IGSF21: variants seen among roughly 807,000 people sequenced by gnomAD.
IGSF21 encodes the protein immunoglobulin superfamily member 21.
In IGSF21, 28 loss-of-function variants were observed where a neutral mutation model predicts 46.8. That is an observed-to-expected ratio of 0.60 (90% CI 0.44 to 0.82). The LOEUF (loss-of-function observed/expected upper bound fraction) is 0.82, where lower values mean the gene tolerates loss of function less well. Ranked by LOEUF, IGSF21 falls within the 40% of genes least tolerant of loss-of-function variation. The pLI is 0.00. For synonymous variants in IGSF21, 284 were observed against 273.6 expected (o/e 1.04, Z -0.38); for missense variants, 624 against 665.5 (o/e 0.94, Z 0.69).
intron 2 of IGSF21, chr1:18,278,807 C>T (rs765168860): frequency 1.3e-5 from 6 of 470,456 alleles, no homozygotes; most frequent in South Asian, 4.7e-5. Context: ...CTGCCTGCCT[C>T]GGCCTCCAAA....
chr1:18,122,701 A>T (rs1225790059), intron 1 of IGSF21, among the ~76,000 whole-genome samples: 7 of 147,500 alleles, frequency 4.7e-5, no homozygotes, highest in African/African-American at 1.5e-4. Context: ...GCTCACTACA[A>T]CCTCTGCCTC....
chr1:18,301,234 C>A (rs555533773), intron 3 of IGSF21, among the ~76,000 whole-genome samples: 1 of 152,354 alleles, frequency 6.6e-6, no homozygotes, highest in East Asian at 1.9e-4. Flanking sequence ...AGCTGTGGCA[C>A]TCCATGGGCC....
intron 1 of IGSF21, among the ~76,000 whole-genome samples, chr1:18,210,379 T>C (rs982814358): frequency 6.6e-6 from 1 of 152,230 alleles, no homozygotes; most frequent in Non-Finnish European, 1.5e-5. Context: ...TCAAAATATG[T>C]TCCAGAGAGC....
intron 2 of IGSF21, among the ~76,000 whole-genome samples, chr1:18,281,777 G>A (rs184725397): frequency 1.1e-3 from 160 of 152,218 alleles, no homozygotes; most frequent in African/African-American, 3.7e-3. Flanking sequence ...CATACTTGTC[G>A]GGAGGCAGGG....
At chr1:18,234,468 A>C (rs909222453) in intron 2 of IGSF21, among the ~76,000 whole-genome samples, 1 of 152,218 alleles carries the variant, frequency 6.6e-6, no homozygotes, top group African/African-American at 2.4e-5. Flanking sequence ...CTTCCATTGT[A>C]ATCTGTATTC....
intron 2 of IGSF21, among the ~76,000 whole-genome samples, chr1:18,269,782 C>T (rs75328480): frequency 0.034 from 5,205 of 152,220 alleles, 302 homozygotes; most frequent in African/African-American, 0.12. Flanking sequence ...TTTCTTTCCC[C>T]GCAGGGCCCC....
chr1:18,162,797 G>T (rs1457923639), intron 1 of IGSF21, among the ~76,000 whole-genome samples: 1 of 152,190 alleles, frequency 6.6e-6, no homozygotes, highest in Non-Finnish European at 1.5e-5. Context: ...TTATTAGAGG[G>T]TTTAGCAAGC....
At chr1:18,268,662 T>C (rs746515319) in intron 2 of IGSF21, among the ~76,000 whole-genome samples, 2 of 152,170 alleles carry the variant, frequency 1.3e-5, no homozygotes, top group Non-Finnish European at 2.9e-5. Flanking sequence ...GTGGGGGAAG[T>C]TATTTGTCAG....
At chr1:18,330,451 G>A (rs551082145) in intron 3 of IGSF21, among the ~76,000 whole-genome samples, 1 of 152,084 alleles carries the variant, frequency 6.6e-6, no homozygotes, top group Admixed American at 6.6e-5. Context: ...TATTTTTTTA[G>A]AAAATAACTT....
At chr1:18,359,279 A>AAAAACACAAAAAAAAAAAG (rs2086057579) in intron 4 of IGSF21, among the ~76,000 whole-genome samples, 1 of 134,232 alleles carries the variant, frequency 7.4e-6, no homozygotes, top group Non-Finnish European at 1.6e-5. Context: ...CCCTGCCTCA[A>AAAAACACAAAAAAAAAAAG]AAAACACAAA....
At chr1:18,273,927 G>A (rs1241563733) in intron 2 of IGSF21, among the ~76,000 whole-genome samples, 1 of 152,070 alleles carries the variant, frequency 6.6e-6, no homozygotes, top group Non-Finnish European at 1.5e-5. Context: ...AATGCACCTG[G>A]CCTGGGAGTT....
At chr1:18,222,355 G>C (rs1179008512) in intron 1 of IGSF21, among the ~76,000 whole-genome samples, 3 of 152,186 alleles carry the variant, frequency 2.0e-5, no homozygotes, top group African/African-American at 7.2e-5. Flanking sequence ...TCTCCAGTCA[G>C]CTTCCAGATG....
chr1:18,307,403 G>A lies in IGSF21; in HGVS notation c.305+15416G>A, dbSNP rs1217477622. 2.0e-5 allele frequency among the ~76,000 whole-genome samples: 3 copies of A among 152,272 alleles called. No individual in the cohort carries two copies. The East Asian group carries it at 5.8e-4, about 29-fold the overall frequency. On this transcript the variant is annotated intron_variant, in intron 3 of 9. Transcript: ENST00000251296. The stretch of plus-strand genomic sequence containing the variant: ...AAGTTCCTAGCATATGCCCTGCTCT[G>A]CTCTAAGAACTTTACACACATCGAC...
At chr1:18,166,662 C>T (rs1278523498) in intron 1 of IGSF21, among the ~76,000 whole-genome samples, 3 of 152,098 alleles carry the variant, frequency 2.0e-5, no homozygotes, top group Non-Finnish European at 4.4e-5. Context: ...TCCATGGCAC[C>T]GAGGGCCTGA....
At chr1:18,249,164 C>A (rs1400281203) in intron 2 of IGSF21, among the ~76,000 whole-genome samples, 1 of 152,136 alleles carries the variant, frequency 6.6e-6, no homozygotes. Context: ...TGAACCTTAC[C>A]TGGAGAACAA....
chr1:18,225,129 A>ACACACACACAC (rs1491338920), intron 1 of IGSF21, among the ~76,000 whole-genome samples: 127 of 143,554 alleles, frequency 8.8e-4, no homozygotes, highest in Non-Finnish European at 1.3e-3. Flanking sequence ...ACACACACAC[A>ACACACACACAC]AAGAAATCAT....
At chr1:18,269,209 G>A (rs1028224909) in intron 2 of IGSF21, among the ~76,000 whole-genome samples, 1 of 152,212 alleles carries the variant, frequency 6.6e-6, no homozygotes, top group African/African-American at 2.4e-5. Flanking sequence ...ATCTGCAGGT[G>A]AGGGTGGCTG....
chr1:18,314,268 AT>A (rs766458131), intron 3 of IGSF21, among the ~76,000 whole-genome samples: 1 of 149,100 alleles, frequency 6.7e-6, no homozygotes, highest in Non-Finnish European at 1.5e-5. Context: ...TGCCTTCCTC[AT>A]AAGCATAGCC....
chr1:18,230,995 G>A lies in IGSF21; in HGVS notation c.183+2985G>A, dbSNP rs577303385. ...TTTTCTGTACGTGTGTTTGCTTCCC[G>A]TCCCAGCTTCCTTTCTCCATCCTCC... On this transcript the variant is annotated intron_variant, in intron 2 of 9. Coordinates refer to ENST00000251296, the MANE Select transcript of IGSF21 (RefSeq NM_032880.5). 9.2e-5 allele frequency among the ~76,000 whole-genome samples: 14 copies of A among 151,734 alleles called. No homozygotes were observed. The East Asian group carries it at 1.6e-3, about 17-fold the overall frequency.
Sources: allele counts gnomAD v4.1 joint callset (sites outside exome capture counted in the v4.1 genomes callset), GRCh38; gene constraint gnomAD v4.1.1; transcripts MANE v1.5; gene names NCBI Gene and HGNC (gene_info 2026-07-23, HGNC 2026-07-21).